The following TIPIN variants were observed in gnomAD, a reference collection of about 807,000 sequenced individuals.
TIPIN encodes the protein TIMELESS-interacting protein.
In TIPIN, 29 loss-of-function variants were observed where a neutral mutation model predicts 35.6. The ratio of observed to expected loss-of-function variants is 0.82; its 90% confidence interval spans 0.61 to 1.11. TIPIN has a LOEUF of 1.11. TIPIN is among the 50% of genes most tolerant of loss of function. The pLI is 0.00. For synonymous variants in TIPIN, 102 were observed against 121.5 expected (o/e 0.84, Z 1.06); for missense variants, 296 against 345.4 (o/e 0.86, Z 1.13).
At chr15:66,368,994 A>T (rs1462238636) in intron 1 of TIPIN, among the ~76,000 whole-genome samples, 1 of 152,158 alleles carries the variant, frequency 6.6e-6, no homozygotes, top group Non-Finnish European at 1.5e-5. Context: ...TTTCCTATTT[A>T]TAAAGTGGGC....
rs1445492688 is a variant in TIPIN at position 66,351,601 on chromosome 15, C to G, written c.213-1G>C. The G allele has an allele frequency of 6.3e-7, 1 of 1,597,930 alleles. No individual in the cohort carries two copies. Among genetic ancestry groups the G allele is most frequent in the Non-Finnish European group, 8.5e-7 (1 of 1,170,708 alleles). On this transcript the variant is annotated splice_acceptor_variant, in intron 3 of 7. Coordinates refer to ENST00000261881, the MANE Select transcript of TIPIN (RefSeq NM_017858.3). LOFTEE classifies it high-confidence loss of function. The stretch of plus-strand genomic sequence containing the variant: ...TGGAAGTCCTCTCTCTGAAATTAAT[C>G]TGTGAATAAAAGTATGTTTTTAATT...
chr15:66,351,732 C>A lies in TIPIN; in HGVS notation c.213-132G>T, dbSNP rs1465942116. 12 of 695,640 alleles carry A rather than the reference C, an allele frequency of 1.7e-5. No individual in the cohort carries two copies. In the Admixed American group the frequency reaches 3.4e-4, roughly 20 times the overall value. The allele number at this position is 695,640 out of a possible 1,614,324, so 43.1% of individuals were successfully genotyped here. ...GGGTCACTGCAAGCTCGGCCTCCCC[C>A]AGGTTCACGTCATTCTCCTGCCTCA... On this transcript the variant is annotated intron_variant, in intron 3 of 7. Coordinates refer to ENST00000261881, the MANE Select transcript of TIPIN (RefSeq NM_017858.3).
intron 1 of TIPIN, among the ~76,000 whole-genome samples, chr15:66,355,332 C>T (rs1270550005): frequency 1.3e-5 from 2 of 151,520 alleles, no homozygotes; most frequent in Non-Finnish European, 2.9e-5. Context: ...CGCGCCCGGC[C>T]CCAGGTGCTC....
At chr15:66,348,141 T>C (rs2093139999) in intron 6 of TIPIN, 1 of 151,634 alleles carries the variant, frequency 6.6e-6, no homozygotes, top group Non-Finnish European at 1.5e-5. Flanking sequence ...CCTGAGTAGC[T>C]ACAACAGGCA....
In TIPIN at chr15:66,342,186, C is replaced by CAAAAAAAAAAAAAAAAAAAAAAAAAA. The variant is rs55711983; in HGVS notation, c.476-831_476-830insTTTTTTTTTTTTTTTTTTTTTTTTTT. ...CCTGGGCTACAGAGCAAGACTGTCTCAAAAAAAAAAAAAAAAAAAAAAGAA... is the reference window on the plus strand; with the variant it reads ...CCTGGGCTACAGAGCAAGACTGTCTCAAAAAAAAAAAAAAAAAAAAAAAAAAAAAAAAAAAAAAAAAAAAAAAAGAA... On this transcript the variant is annotated intron_variant, in intron 6 of 7. Transcript: ENST00000261881. 6.5e-5 allele frequency among the ~76,000 whole-genome samples: 7 copies of CAAAAAAAAAAAAAAAAAAAAAAAAAA among 108,518 alleles called. 1 individual carries two copies. The highest frequency in any genetic ancestry group is 1.9e-4 in the African/African-American group (5 of 25,810). 71.2% of individuals were successfully genotyped at this position (108,518 alleles called of 152,430 possible). A position where few individuals can be genotyped will look rare whatever the true frequency, so the allele number is the denominator to read the frequency against.
intron 6 of TIPIN, among the ~76,000 whole-genome samples, chr15:66,345,659 C>T (rs11633335): frequency 0.21 from 31,817 of 151,556 alleles, 4,047 homozygotes; most frequent in South Asian, 0.32. Context: ...TGCAGTGAGC[C>T]GAGATCGCAC....
rs143003065 is a variant in TIPIN, at chr15:66,379,896, T to A, written c.-9+6711A>T. The A allele has an allele frequency of 3.8e-6, 6 of 1,563,284 alleles. No homozygotes were observed. The African/African-American group carries it at 5.4e-5, about 14-fold the overall frequency. On this transcript the variant is annotated intron_variant, in intron 1 of 7. Transcript: ENST00000562124. ...ATTTTCTGGAATGTCGACAGTCTGATTAATGAGAATGGTCTTCACTCTCGC... is the reference window on the plus strand; with the variant it reads ...ATTTTCTGGAATGTCGACAGTCTGAATAATGAGAATGGTCTTCACTCTCGC...
chr15:66,360,658 C>T (rs537078850), upstream of TIPIN, among the ~76,000 whole-genome samples: 23 of 152,120 alleles, frequency 1.5e-4, no homozygotes, highest in Middle Eastern at 6.8e-3. Context: ...AGTGAAACAC[C>T]GTCTCTACTG....
chr15:66,385,235 C>T (rs1259668868), intron 1 of TIPIN, among the ~76,000 whole-genome samples: 1 of 152,196 alleles, frequency 6.6e-6, no homozygotes, highest in Non-Finnish European at 1.5e-5. Context: ...TCTTCATTTT[C>T]TCAGGTTCCT....
chr15:66,383,939 C>T (rs2093327157), intron 1 of TIPIN, among the ~76,000 whole-genome samples: 1 of 152,058 alleles, frequency 6.6e-6, no homozygotes, highest in East Asian at 1.9e-4. Context: ...ATATATATCC[C>T]ATAACATCAT....
intron 1 of TIPIN, chr15:66,383,409 C>A (rs1002696495): frequency 5.9e-6 from 1 of 170,732 alleles, no homozygotes; most frequent in African/African-American, 2.4e-5. Flanking sequence ...ACTACAGGCA[C>A]CCGCCACCAC....
chr15:66,351,730 C>T lies in TIPIN; in HGVS notation c.213-130G>A, dbSNP rs1595797942. On this transcript the variant is annotated intron_variant, in intron 3 of 7. Coordinates refer to ENST00000261881, the MANE Select transcript of TIPIN (RefSeq NM_017858.3). ...TCGGGTCACTGCAAGCTCGGCCTCC[C>T]CCAGGTTCACGTCATTCTCCTGCCT... The T allele has an allele frequency of 1.7e-5, 12 of 706,830 alleles. No individual in the cohort carries two copies. The East Asian group carries it at 3.3e-4, about 20-fold the overall frequency. 43.8% of individuals were successfully genotyped at this position (706,830 alleles called of 1,614,324 possible). A position where few individuals can be genotyped will look rare whatever the true frequency, so the allele number is the denominator to read the frequency against.
Position 66,341,348 on chromosome 15 carries a change from C to T in TIPIN, c.484G>A (p.Ala162Thr). 6.2e-7 allele frequency: 1 copy of T among 1,611,606 alleles called. No individual in the cohort carries two copies. Among genetic ancestry groups the T allele is most frequent in the Non-Finnish European group, 8.5e-7 (1 of 1,178,736 alleles). The change falls in exon 7 of 8, where the codon GCG (alanine) becomes ACG (threonine). Residue 162 changes from alanine to threonine, a missense_variant. Ala to Thr is a moderately conservative substitution (Grantham distance 58, BLOSUM62 0). Coordinates refer to ENST00000261881, the MANE Select transcript of TIPIN (RefSeq NM_017858.3). ...EDFVSNNDEV[A>T]ENNEHDVTST... ...GTGACATCATGTTCATTATTCTCCGCAACTTCATCTGCAATAGAAAAGAAA... is the reference window on the plus strand; with the variant it reads ...GTGACATCATGTTCATTATTCTCCGTAACTTCATCTGCAATAGAAAAGAAA...
chr15:66,366,597 C>CAAA (rs757848258), intron 1 of TIPIN, among the ~76,000 whole-genome samples: 4,071 of 92,120 alleles, frequency 0.044, 165 homozygotes, highest in East Asian at 0.19. Flanking sequence ...ACTAAATATA[C>CAAA]AAAAAAAAAA....
At chr15:66,382,435 G>T in intron 1 of TIPIN, 3 of 954,602 alleles carry the variant, frequency 3.1e-6, no homozygotes, top group Non-Finnish European at 3.7e-6. Context: ...CCAGGCTGGT[G>T]TGCAAGATCA....
chr15:66,338,810 T>A (rs1404665368), intron 7 of TIPIN, among the ~76,000 whole-genome samples: 1 of 92,958 alleles, frequency 1.1e-5, no homozygotes. Flanking sequence ...CAAGACTCCG[T>A]CTCAAAAAAA....
At chr15:66,350,763 A>G (rs1319816186) in intron 4 of TIPIN, among the ~76,000 whole-genome samples, 2 of 149,762 alleles carry the variant, frequency 1.3e-5, no homozygotes, top group East Asian at 3.9e-4. Context: ...CCCCGTCTCT[A>G]CTAAAAATAC....
chr15:66,363,087 CTAAA>C (rs1172419121), intron 1 of TIPIN, among the ~76,000 whole-genome samples: 1 of 152,178 alleles, frequency 6.6e-6, no homozygotes, highest in African/African-American at 2.4e-5. Flanking sequence ...ATCCCAAAAA[CTAAA>C]TAGAGACTGG....
intron 1 of TIPIN, among the ~76,000 whole-genome samples, chr15:66,385,810 A>C (rs2093335626): frequency 2.0e-5 from 3 of 149,996 alleles, no homozygotes; most frequent in African/African-American, 4.9e-5. Context: ...TTTTAAAGGG[A>C]GTCTTGCTCT....
Sources: gnomAD v4.1 joint callset for allele counts (sites outside exome capture counted in the v4.1 genomes callset) on GRCh38, gnomAD v4.1.1 for gene constraint, MANE v1.5 for transcripts, NCBI Gene and HGNC (gene_info 2026-07-23, HGNC 2026-07-21) for gene names.